HSH2D: variants seen among roughly 807,000 people sequenced by gnomAD.
HSH2D encodes the protein hematopoietic SH2 domain-containing protein.
A neutral mutation model predicts 21.5 loss-of-function variants in HSH2D; 16 were observed. That is an observed-to-expected ratio of 0.74 (90% CI 0.50 to 1.13). HSH2D has a LOEUF of 1.13. HSH2D is among the 50% of genes most tolerant of loss of function. The pLI, the probability that HSH2D is intolerant of heterozygous loss-of-function variation, is 0.00. For synonymous variants in HSH2D, 172 were observed against 184.7 expected, an observed-to-expected ratio of 0.93 and a Z score of 0.56; for missense variants, 418 against 441.4, an observed-to-expected ratio of 0.95 and a Z score of 0.47.
rs762979396 is a variant in HSH2D at position 16,157,311 on chromosome 19, A to C, written c.576A>C (p.Pro192=). The change falls in exon 6 of 6, where the codon CCA becomes CCC. Residue 192 remains proline, a synonymous_variant. Coordinates refer to ENST00000613986, the MANE Select transcript of HSH2D (RefSeq NM_001382417.1). This position sits in a 1 kb window ranked among gnomAD's most constrained non-coding sequence, Gnocchi z 4.4. The stretch of plus-strand genomic sequence containing the variant: ...AGGAAGCCACTTCCTCCTGCCCCCC[A>C]AAATCCCCTCTTGGAGAGACCCGCC... ...TTKEATSSCP[P]KSPLGETRQK... The C allele has an allele frequency of 1.2e-6, 2 of 1,612,782 alleles. No homozygotes were observed. Among genetic ancestry groups the C allele is most frequent in the Non-Finnish European group, 1.7e-6 (2 of 1,179,510 alleles).
intron 2 of HSH2D, among the ~76,000 whole-genome samples, chr19:16,151,047 A>T (rs2091141746): frequency 6.6e-6 from 1 of 151,652 alleles, no homozygotes; most frequent in African/African-American, 2.4e-5. Context: ...AAATAGACTG[A>T]TTTCGGTGGC....
intron 1 of HSH2D, among the ~76,000 whole-genome samples, chr19:16,144,361 G>T (rs1013026704): frequency 2.0e-5 from 3 of 151,836 alleles, no homozygotes; most frequent in Non-Finnish European, 2.9e-5. Context: ...GTGTTGTCTG[G>T]GGGGAGATGC....
intron 1 of HSH2D, among the ~76,000 whole-genome samples, chr19:16,147,045 C>T (rs1009672715): frequency 3.3e-5 from 5 of 151,952 alleles, no homozygotes; most frequent in African/African-American, 1.2e-4. Flanking sequence ...AGGCTGGCCT[C>T]GAACTCCTGA....
At chr19:16,146,075 CA>C (rs796457464) in intron 1 of HSH2D, among the ~76,000 whole-genome samples, 2,211 of 59,850 alleles carry the variant, frequency 0.037, 15 homozygotes, top group East Asian at 0.17. Flanking sequence ...GATTCCATCT[CA>C]AAAAAAAAAA....
chr19:16,150,852 T>A (rs2145044649), intron 2 of HSH2D, among the ~76,000 whole-genome samples: 1 of 152,080 alleles, frequency 6.6e-6, no homozygotes, highest in South Asian at 2.1e-4. Flanking sequence ...AGTAAGACCC[T>A]GTCTCAAAAA....
At chr19:16,155,002 T>C (rs2091219546) in intron 5 of HSH2D, 1 of 153,860 alleles carries the variant, frequency 6.5e-6, no homozygotes, top group Non-Finnish European at 1.4e-5. Context: ...CCAGTCAGAC[T>C]GTGAGCTCTG....
intron 4 of HSH2D, 49 bp downstream of exon 4, chr19:16,153,257 C>A: frequency 7.0e-7 from 1 of 1,433,800 alleles, no homozygotes; most frequent in Non-Finnish European, 9.2e-7. Context: ...TGGGGCCAAG[C>A]CCCCCAGACC....
rs1425399159 is a variant in HSH2D at position 16,157,637 on chromosome 19, A to C, written c.902A>C (p.Glu301Ala). 1.2e-6 allele frequency: 2 copies of C among 1,613,652 alleles called. No individual in the cohort carries two copies. The highest frequency in any genetic ancestry group is 1.7e-6 in the Non-Finnish European group (2 of 1,179,754). ...GCCGAGAGGTCGGTCAGCTGCATTG[A>C]GGTGACCCCAGGGGACAGGAGTTGG... ...RKAERSVSCI[E>A]VTPGDRSWHQ... Residue 301 changes from glutamate to alanine, a missense_variant, in exon 6 of 6, where the codon GAG becomes GCG. Glu to Ala is a moderately radical substitution (Grantham distance 107). Transcript: ENST00000613986. This position sits in a 1 kb window ranked among gnomAD's most constrained non-coding sequence, Gnocchi z 4.4.
chr19:16,136,667 C>T (rs2145007100), intron 1 of HSH2D, among the ~76,000 whole-genome samples: 1 of 152,232 alleles, frequency 6.6e-6, no homozygotes, highest in South Asian at 2.1e-4. Flanking sequence ...GCAAGACCAA[C>T]GTGGAGACTC....
chr19:16,140,440 A>T (rs2090992322), upstream of HSH2D, among the ~76,000 whole-genome samples: 1 of 152,134 alleles, frequency 6.6e-6, no homozygotes, highest in South Asian at 2.1e-4. Flanking sequence ...CCCTGTCTCT[A>T]CTAAAAATAT....
chr19:16,139,747 C>T (rs865924472), upstream of HSH2D: 1 of 152,296 alleles, frequency 6.6e-6, no homozygotes, highest in East Asian at 1.9e-4. Context: ...GCTGCGGCCT[C>T]TGCTGAGAAG....
At chr19:16,137,120 C>T (rs559052470) in intron 1 of HSH2D, among the ~76,000 whole-genome samples, 4 of 152,270 alleles carry the variant, frequency 2.6e-5, no homozygotes, top group African/African-American at 9.6e-5. Flanking sequence ...CAGCCTTGGA[C>T]ACATGCCCTC....
rs377695963 is a variant in HSH2D at position 16,157,500 on chromosome 19, A to G, written c.765A>G (p.Ser255=). The change falls in exon 6 of 6, where the codon TCA becomes TCG. Residue 255 remains serine, a synonymous_variant. Coordinates refer to ENST00000613986, the MANE Select transcript of HSH2D (RefSeq NM_001382417.1). This position sits in a 1 kb window ranked among gnomAD's most constrained non-coding sequence, Gnocchi z 4.4. ...CCGGAAAAGGCAGCCAAGATCACTC[A>G]GGGGATCCCACCTCGGGGGACAGAG... The part of the protein sequence containing the change: ...PGTGKGSQDH[S]GDPTSGDRGY... 124 of 1,613,818 alleles carry G rather than the reference A, an allele frequency of 7.7e-5. No individual in the cohort carries two copies. Among genetic ancestry groups the G allele is most frequent in the Admixed American group, 1.2e-4 (7 of 59,974 alleles).
upstream of HSH2D, among the ~76,000 whole-genome samples, chr19:16,140,137 A>AGAAGT (rs886626456): frequency 1.4e-4 from 21 of 152,066 alleles, no homozygotes; most frequent in South Asian, 6.2e-4. Flanking sequence ...GGAGGATCAG[A>AGAAGT]GAAGTGAAGT....
At position 16,157,580 on chromosome 19, in the gene HSH2D, C is replaced by A; in HGVS notation, c.845C>A (p.Ala282Glu). Reference sequence around the variant, plus strand: ...CTCAAAAGCCCCTCACAGCCCCAGGCACCAAAAGACAGAAAGGTCCCCACC... The same window carrying A: ...CTCAAAAGCCCCTCACAGCCCCAGGAACCAAAAGACAGAAAGGTCCCCACC... ...TSLKSPSQPQAPKDRKVPTRK... is the reference protein window; with the variant it reads ...TSLKSPSQPQEPKDRKVPTRK... Residue 282 changes from alanine (A) to glutamate (E), a missense_variant, in exon 6 of 6, where the codon GCA becomes GAA. Coordinates refer to ENST00000613986, the MANE Select transcript of HSH2D (RefSeq NM_001382417.1). This position sits in a 1 kb window ranked among gnomAD's most constrained non-coding sequence, Gnocchi z 4.4. 6.2e-7 allele frequency: 1 copy of A among 1,613,892 alleles called. No homozygotes were observed. The highest frequency in any genetic ancestry group is 1.1e-5 in the South Asian group (1 of 91,076).
At chr19:16,134,353 A>T (rs2090945367) in intron 1 of HSH2D, 1 of 152,214 alleles carries the variant, frequency 6.6e-6, no homozygotes, top group African/African-American at 2.4e-5. Flanking sequence ...TCCTACAAAG[A>T]AAGCAGGGGT....
chr19:16,136,499 C>T (rs1305534767), intron 1 of HSH2D, among the ~76,000 whole-genome samples: 2 of 152,098 alleles, frequency 1.3e-5, no homozygotes, highest in African/African-American at 2.4e-5. Context: ...GAGTCCTTGG[C>T]GGAATTTCTT....
chr19:16,147,699 G>A, intron 1 of HSH2D, among the ~76,000 whole-genome samples: 1 of 150,796 alleles, frequency 6.6e-6, no homozygotes, highest in East Asian at 2.0e-4. Flanking sequence ...AGGCTGGAGT[G>A]CAGTGGTGCA....
intron 1 of HSH2D, among the ~76,000 whole-genome samples, chr19:16,146,262 A>C (rs2091068009): frequency 6.6e-6 from 1 of 152,108 alleles, no homozygotes; most frequent in Admixed American, 6.6e-5. Context: ...AAAATTGTCA[A>C]GAAAGTGTGT....
Sources: gnomAD v4.1 joint callset for allele counts (sites outside exome capture counted in the v4.1 genomes callset) on GRCh38, gnomAD v4.1.1 for gene constraint, Gnocchi (gnomAD v3.1) non-coding constraint, MANE v1.5 for transcripts, NCBI Gene and HGNC (gene_info 2026-07-23, HGNC 2026-07-21) for gene names.